The following NOL4 variants were observed in gnomAD, a reference collection of about 807,000 sequenced individuals.
NOL4 encodes nucleolar protein 4.
A neutral mutation model predicts 75.9 loss-of-function variants in NOL4; 17 were observed. That is an observed-to-expected ratio of 0.22 (90% CI 0.15 to 0.34). NOL4 has a LOEUF of 0.34. Ranked by LOEUF, NOL4 falls within the 10% of genes least tolerant of loss-of-function variation. NOL4 has a pLI of 1.00. For synonymous variants in NOL4, 292 were observed against 289.9 expected, an observed-to-expected ratio of 1.01 and a Z score of -0.07; for missense variants, 614 against 793.5, an observed-to-expected ratio of 0.77 and a Z score of 2.72.
At position 33,964,989 on chromosome 18, in the gene NOL4, G is replaced by A. The variant is rs539324551; in HGVS notation, c.1057-6571C>T. Among the ~76,000 whole-genome samples the A allele has an allele frequency of 1.2e-3, 179 of 152,144 alleles. 3 individuals are homozygous for A. In the South Asian group the frequency reaches 0.036, roughly 31 times the overall value. On this transcript the variant is annotated intron_variant, in intron 6 of 10. Transcript: ENST00000261592. ...GTATTATGATTCAAAGAAACCCAAAGCAAGAGACATTTTTTGAGAAAAGTA... is the reference window on the plus strand; with the variant it reads ...GTATTATGATTCAAAGAAACCCAAAACAAGAGACATTTTTTGAGAAAAGTA...
chr18:34,001,534 A>G (rs767154567), intron 6 of NOL4, among the ~76,000 whole-genome samples: 1 of 152,072 alleles, frequency 6.6e-6, no homozygotes, highest in Non-Finnish European at 1.5e-5. Flanking sequence ...GAAGCACACC[A>G]CGTCAACATG....
chr18:34,148,510 G>A (rs2081506069), intron 1 of NOL4, among the ~76,000 whole-genome samples: 1 of 152,072 alleles, frequency 6.6e-6, no homozygotes, highest in Non-Finnish European at 1.5e-5. Flanking sequence ...CAGTTTCCAT[G>A]TACTTGTACA....
chr18:34,021,310 G>A (rs907054438), intron 5 of NOL4, among the ~76,000 whole-genome samples: 2 of 152,154 alleles, frequency 1.3e-5, no homozygotes, highest in Non-Finnish European at 1.5e-5. Flanking sequence ...ATTCTCAAAG[G>A]TGAGTGAGCC....
At chr18:34,201,804 C>T (rs933592223) in intron 1 of NOL4, among the ~76,000 whole-genome samples, 3 of 151,620 alleles carry the variant, frequency 2.0e-5, no homozygotes, top group East Asian at 3.9e-4. Flanking sequence ...CTATTTCAAC[C>T]TATAATTTAA....
chr18:34,042,489 C>G (rs904317727), intron 5 of NOL4, among the ~76,000 whole-genome samples: 1 of 151,772 alleles, frequency 6.6e-6, no homozygotes, highest in Non-Finnish European at 1.5e-5. Flanking sequence ...AATCATATTC[C>G]AAAAGTTTAA....
At chr18:34,183,348 TATACA>T (rs2034197489) in intron 1 of NOL4, among the ~76,000 whole-genome samples, 1 of 151,840 alleles carries the variant, frequency 6.6e-6, no homozygotes, top group Non-Finnish European at 1.5e-5. Flanking sequence ...AAGATATCAC[TATACA>T]CTATTATAAT....
At chr18:34,163,306 T>C (rs1169122621) in intron 1 of NOL4, among the ~76,000 whole-genome samples, 1 of 152,016 alleles carries the variant, frequency 6.6e-6, no homozygotes, top group East Asian at 1.9e-4. Context: ...AAATTGTCCC[T>C]GTTTGCAGAT....
intron 5 of NOL4, among the ~76,000 whole-genome samples, chr18:34,092,449 GC>G (rs995863112): frequency 1.3e-5 from 2 of 152,044 alleles, no homozygotes; most frequent in South Asian, 2.1e-4. Flanking sequence ...AAAAAGAAAA[GC>G]CCCTCTGTTC....
chr18:34,222,731 C>G (rs1292116229), intron 1 of NOL4, among the ~76,000 whole-genome samples: 2 of 151,180 alleles, frequency 1.3e-5, no homozygotes, highest in Admixed American at 1.3e-4. Context: ...TGCAGCCGGT[C>G]CGGGAACCCG....
chr18:33,933,001 A>G (rs2067803837), intron 9 of NOL4, among the ~76,000 whole-genome samples: 2 of 152,124 alleles, frequency 1.3e-5, no homozygotes, highest in South Asian at 2.1e-4. Flanking sequence ...TATACATGTT[A>G]CATAGGAGAT....
intron 10 of NOL4, among the ~76,000 whole-genome samples, chr18:33,862,055 C>A (rs929285820): frequency 6.6e-6 from 1 of 152,142 alleles, no homozygotes; most frequent in Non-Finnish European, 1.5e-5. Flanking sequence ...CAGCATGGTA[C>A]TGGTACCAAA....
At chr18:33,964,481 AAAAG>A (rs1041387524) in intron 6 of NOL4, among the ~76,000 whole-genome samples, 12 of 151,818 alleles carry the variant, frequency 7.9e-5, no homozygotes, top group Non-Finnish European at 1.2e-4. Context: ...GAAAAGAAAG[AAAAG>A]AAAGGACAGA....
At chr18:33,873,403 T>C (rs1392719288) in intron 10 of NOL4, among the ~76,000 whole-genome samples, 4 of 151,990 alleles carry the variant, frequency 2.6e-5, no homozygotes, top group Non-Finnish European at 5.9e-5. Flanking sequence ...CATTTTCCTA[T>C]GACCCTGGTT....
At chr18:33,901,691 T>G (rs1035852672) in intron 9 of NOL4, among the ~76,000 whole-genome samples, 1 of 152,066 alleles carries the variant, frequency 6.6e-6, no homozygotes, top group Non-Finnish European at 1.5e-5. Flanking sequence ...CTCCTAGGTT[T>G]TCACTAAAAT....
intron 5 of NOL4, among the ~76,000 whole-genome samples, chr18:34,040,850 T>C (rs2076109318): frequency 6.6e-6 from 1 of 152,020 alleles, no homozygotes; most frequent in Non-Finnish European, 1.5e-5. Context: ...CATATAAATT[T>C]GGTCAGAAAT....
chr18:34,014,951 C>T (rs1370010794), intron 6 of NOL4, among the ~76,000 whole-genome samples: 1 of 151,934 alleles, frequency 6.6e-6, no homozygotes, highest in Non-Finnish European at 1.5e-5. Flanking sequence ...AATTGTGAAA[C>T]AGGTCAATAT....
At chr18:34,037,382 T>C (rs900713012) in intron 5 of NOL4, among the ~76,000 whole-genome samples, 1 of 149,180 alleles carries the variant, frequency 6.7e-6, no homozygotes, top group Non-Finnish European at 1.5e-5. Flanking sequence ...CCTATCAAAA[T>C]AACAATGTCA....
At chr18:34,084,622 A>T (rs1056987185) in intron 5 of NOL4, among the ~76,000 whole-genome samples, 4 of 152,152 alleles carry the variant, frequency 2.6e-5, no homozygotes, top group African/African-American at 9.7e-5. Flanking sequence ...TCCCCAAAGC[A>T]CTCCCAGTCA....
chr18:33,932,177 C>G (rs2067735962), intron 9 of NOL4, among the ~76,000 whole-genome samples: 1 of 151,994 alleles, frequency 6.6e-6, no homozygotes, highest in Non-Finnish European at 1.5e-5. Flanking sequence ...TTACATATTA[C>G]TTTCTTTAAT....
Sources: gnomAD v4.1 joint callset for allele counts (sites outside exome capture counted in the v4.1 genomes callset) on GRCh38, gnomAD v4.1.1 for gene constraint, MANE v1.5 for transcripts, NCBI Gene and HGNC (gene_info 2026-07-23, HGNC 2026-07-21) for gene names.